KHSRP: variants seen among roughly 807,000 people sequenced by gnomAD.
KHSRP encodes the protein KH-type splicing regulatory protein.
A neutral mutation model predicts 94.9 loss-of-function variants in KHSRP; 13 were observed. That is an observed-to-expected ratio of 0.14 (90% confidence interval 0.09 to 0.22). The LOEUF is 0.22. Ranked by LOEUF, KHSRP falls within the 10% of genes least tolerant of loss-of-function variation. KHSRP has a pLI of 1.00. For missense variants in KHSRP, 710 were observed against 1,010.0 expected, an observed-to-expected ratio of 0.70 and a Z score of 4.03; for synonymous variants, 495 against 401.4, an observed-to-expected ratio of 1.23 and a Z score of -2.79.
intron 5 of KHSRP, 122 bp from the exon 6 acceptor site, chr19:6,420,266 A>T: frequency 8.8e-7 from 1 of 1,138,948 alleles, no homozygotes; most frequent in Non-Finnish European, 1.3e-6. Flanking sequence ...TCCTCTAGAG[A>T]GCTCCTGTCC....
At position 6,424,648 on chromosome 19, in the gene KHSRP, G is replaced by T. The variant is rs75697431; in HGVS notation, c.54C>A (p.Gly18=). 3.0e-6 allele frequency: 3 copies of T among 1,007,978 alleles called. No homozygotes were observed. The highest frequency in any genetic ancestry group is 3.5e-6 in the Non-Finnish European group (3 of 847,798). 62.4% of individuals were successfully genotyped at this position (1,007,978 alleles called of 1,614,324 possible). ...CGGCGCCTCCGGCTCCCCCGCCCCC[G>T]CCGGCGGGCGGCGGCGGCCCGGGCG... ...GPPPGPPPPA[G]GGGGAGGAGG... The change falls in exon 1 of 19, where the codon GGC becomes GGA. Residue 18 remains glycine, a synonymous_variant. Transcript: ENST00000600480.
At chr19:6,417,955 G>A (rs374896219) in intron 10 of KHSRP, 26 bp downstream of exon 10, 402 of 1,609,604 alleles carry the variant, frequency 2.5e-4, no homozygotes, top group Admixed American at 3.8e-4. Context: ...GGGGGAGAGG[G>A]GGGTGAAGGC....
chr19:6,421,115 A>G, intron 4 of KHSRP, 163 bp downstream of exon 4: 2 of 661,536 alleles, frequency 3.0e-6, no homozygotes, highest in Non-Finnish European at 5.3e-6. Flanking sequence ...CGAGGAACGG[A>G]CACAGCTCCT....
rs1261525809 is a variant in KHSRP at position 6,417,093 on chromosome 19, G to A, written c.1082-6C>T. On this transcript the variant is annotated splice_polypyrimidine_tract_variant and splice_region_variant and intron_variant, in intron 11 of 18. Coordinates refer to ENST00000600480, the MANE Select transcript of KHSRP (RefSeq NM_001366299.1). ...CTCGGGCCCTGTCCCGTCATCTGAG[G>A]CCAGCACCGAGAGAGCAGAGACACA... 3 of 1,602,568 alleles carry A rather than the reference G, an allele frequency of 1.9e-6. No individual in the cohort carries two copies. The highest frequency in any genetic ancestry group is 4.5e-5 in the East Asian group (2 of 44,828).
chr19:6,418,419 G>C lies in KHSRP; in HGVS notation c.879+64C>G. ...CTGGCGGAATGCAGACCCCGAGACC[G>C]CTGGCCCTGCCCACCTGCCCGTGCC... On this transcript the variant is annotated intron_variant, in intron 9 of 18. Coordinates refer to ENST00000600480, the MANE Select transcript of KHSRP (RefSeq NM_001366299.1). The surrounding 1 kb of genome is among the most constrained non-coding windows in gnomAD (Gnocchi z 4.3). The C allele has an allele frequency of 1.7e-6, 2 of 1,180,606 alleles. No homozygotes were observed. The highest frequency in any genetic ancestry group is 1.3e-6 in the Non-Finnish European group (1 of 798,484). The allele number at this position is 1,180,606 out of a possible 1,614,324, so 73.1% of individuals were successfully genotyped here. A position where few individuals can be genotyped will look rare whatever the true frequency, so the allele number is the denominator to read the frequency against.
chr19:6,414,549 G>A lies in KHSRP; in HGVS notation c.*475C>T, dbSNP rs2092127309. On this transcript the variant is annotated 3_prime_UTR_variant, in exon 19 of 19. Coordinates refer to ENST00000600480, the MANE Select transcript of KHSRP (RefSeq NM_001366299.1). ...ACTTCACAGACAAGCCCGGGACACA[G>A]GCAAGCGCGAGCGCATGGGAGGCTG... 1.9e-6 allele frequency: 2 copies of A among 1,028,698 alleles called. No individual in the cohort carries two copies. The highest frequency in any genetic ancestry group is 2.3e-6 in the Non-Finnish European group (2 of 858,494). The allele number at this position is 1,028,698 out of a possible 1,614,324, so 63.7% of individuals were successfully genotyped here. A position where few individuals can be genotyped will look rare whatever the true frequency, so the allele number is the denominator to read the frequency against.
rs1475300994 is a variant in KHSRP, at chr19:6,418,642, G to A, written c.780+60C>T. On this transcript the variant is annotated intron_variant, in intron 8 of 18. Transcript: ENST00000600480. The surrounding 1 kb of genome is among the most constrained non-coding windows in gnomAD (Gnocchi z 4.3). ...TCCCAGGACTTCCTGGGCTGCTGTG[G>A]TGGTGGCGGTGGGGTGTGGCACACG... 1 of 1,612,960 alleles carries A rather than the reference G, an allele frequency of 6.2e-7. No individual in the cohort carries two copies. Among genetic ancestry groups the A allele is most frequent in the Non-Finnish European group, 8.5e-7 (1 of 1,179,038 alleles).
chr19:6,413,508 GCCGCGGGAGCTGAGCCAGGGCGGGA>G lies in KHSRP; in HGVS notation c.*1491_*1515del. 1 of 330,204 alleles carries G rather than the reference GCCGCGGGAGCTGAGCCAGGGCGGGA, an allele frequency of 3.0e-6. No homozygotes were observed. Among genetic ancestry groups the G allele is most frequent in the Non-Finnish European group, 6.3e-6 (1 of 159,812 alleles). 20.5% of individuals were successfully genotyped at this position (330,204 alleles called of 1,614,324 possible). On this transcript the variant is annotated 3_prime_UTR_variant, in exon 19 of 19. Transcript: ENST00000600480. ...AGTCCTGGGAGGGGGGACGGGCGGGGCCGCGGGAGCTGAGCCAGGGCGGGAGGGAGAGAAGAGGGGGCTTGGCTGC... is the reference window on the plus strand; with the variant it reads ...AGTCCTGGGAGGGGGGACGGGCGGGGGGGAGAGAAGAGGGGGCTTGGCTGC...
At chr19:6,424,356 C>G (rs1466785173) in intron 1 of KHSRP, 97 bp downstream of exon 1, 1 of 528,162 alleles carries the variant, frequency 1.9e-6, no homozygotes, top group Non-Finnish European at 2.4e-6. Context: ...CCCGGCCCCC[C>G]TCCGCGACCC....
chr19:6,417,087 T>C lies in KHSRP; in HGVS notation c.1082A>G (p.Asp361Gly). The C allele has an allele frequency of 6.2e-7, 1 of 1,607,468 alleles. No homozygotes were observed. ...AATCTTCTCGGGCCCTGTCCCGTCA[T>C]CTGAGGCCAGCACCGAGAGAGCAGA... ...DAGVRIQFKQ[D>G]DGTGPEKIAH... The change falls in exon 12 of 19, where the codon GAT (aspartate) becomes GGT (glycine). Residue 361 changes from aspartate (D) to glycine (G), a missense_variant and splice_region_variant. Asp to Gly is a moderately conservative substitution (Grantham distance 94, BLOSUM62 -1). Coordinates refer to ENST00000600480, the MANE Select transcript of KHSRP (RefSeq NM_001366299.1).
At chr19:6,421,842 G>A (rs999248297) in intron 2 of KHSRP, 154 bp from the exon 3 acceptor site, 44 of 832,712 alleles carry the variant, frequency 5.3e-5, no homozygotes, top group African/African-American at 3.6e-4. Context: ...TGGCCCCTGA[G>A]GGAGGCCAGA....
At chr19:6,423,393 G>C (rs1276475738) in intron 1 of KHSRP, among the ~76,000 whole-genome samples, 1 of 152,146 alleles carries the variant, frequency 6.6e-6, no homozygotes, top group African/African-American at 2.4e-5. Context: ...CAGAGTCTGG[G>C]GTTTAGAAAC....
chr19:6,421,823 A>AG, intron 2 of KHSRP, 135 bp from the exon 3 acceptor site: 1 of 992,318 alleles, frequency 1.0e-6, no homozygotes, highest in African/African-American at 1.6e-5. Flanking sequence ...ACAGGAGCCC[A>AG]GGAGAGACTG....
rs1242827813 is a variant in KHSRP at position 6,424,424 on chromosome 19, C to A, written c.249+29G>T. ...TCCCCCGCCTGCGCGCGCGCGCGAG[C>A]GCGCCCCTCAGGCCCTCGGCCTCCT... On this transcript the variant is annotated intron_variant, in intron 1 of 18. Transcript: ENST00000600480. The A allele has an allele frequency of 8.1e-5, 80 of 986,120 alleles. No individual in the cohort carries two copies. The African/African-American group carries it at 1.4e-3, about 17-fold the overall frequency. The allele number at this position is 986,120 out of a possible 1,614,324, so 61.1% of individuals were successfully genotyped here.
chr19:6,415,508 GCCC>G (rs760905596), intron 17 of KHSRP, 23 bp downstream of exon 17: 3 of 1,539,058 alleles, frequency 1.9e-6, no homozygotes, highest in African/African-American at 2.7e-5. Flanking sequence ...CAGGGCTGGA[GCCC>G]CCCCGCCACC....
At position 6,414,025 on chromosome 19, in the gene KHSRP, T is replaced by C. The variant is rs1451556417; in HGVS notation, c.*999A>G. On this transcript the variant is annotated 3_prime_UTR_variant, in exon 19 of 19. Coordinates refer to ENST00000600480, the MANE Select transcript of KHSRP (RefSeq NM_001366299.1). ...ACTCCCCACGGCAGCCATCGCTCTC[T>C]CGCCAAACAAAACAGAAGCCCCCAA... 2.7e-6 allele frequency: 4 copies of C among 1,495,520 alleles called. No homozygotes were observed. The highest frequency in any genetic ancestry group is 1.8e-6 in the Non-Finnish European group (2 of 1,117,088). 92.6% of individuals were successfully genotyped at this position (1,495,520 alleles called of 1,614,324 possible). A position where few individuals can be genotyped will look rare whatever the true frequency, so the allele number is the denominator to read the frequency against.
chr19:6,418,227 T>C lies in KHSRP; in HGVS notation c.880-148A>G, dbSNP rs1238271057. On this transcript the variant is annotated intron_variant, in intron 9 of 18. Transcript: ENST00000600480. This position sits in a 1 kb window ranked among gnomAD's most constrained non-coding sequence, Gnocchi z 4.3. ...CTACTGAGCTCTCTACCTGCCACTT[T>C]AATGGGGAGGCACTACCAGCAGCCC... 5.6e-6 allele frequency: 4 copies of C among 709,168 alleles called. No individual in the cohort carries two copies. The highest frequency in any genetic ancestry group is 3.6e-5 in the African/African-American group (2 of 56,240). 43.9% of individuals were successfully genotyped at this position (709,168 alleles called of 1,614,324 possible). A position where few individuals can be genotyped will look rare whatever the true frequency, so the allele number is the denominator to read the frequency against.
intron 6 of KHSRP, 100 bp downstream of exon 6, chr19:6,419,973 G>T: frequency 2.2e-6 from 2 of 908,334 alleles, no homozygotes; most frequent in Non-Finnish European, 1.8e-6. Context: ...GCGCCAGCTC[G>T]CTTCCTGTCC....
In KHSRP at chr19:6,415,993, G is replaced by A. The variant is rs2092142856; in HGVS notation, c.1599-97C>T. 3.8e-6 allele frequency: 3 copies of A among 798,542 alleles called. No individual in the cohort carries two copies. The African/African-American group carries it at 5.3e-5, about 14-fold the overall frequency. 49.5% of individuals were successfully genotyped at this position (798,542 alleles called of 1,614,324 possible). On this transcript the variant is annotated intron_variant, in intron 15 of 18. Coordinates refer to ENST00000600480, the MANE Select transcript of KHSRP (RefSeq NM_001366299.1). The stretch of plus-strand genomic sequence containing the variant: ...GATGTTTTTCAGTGGGGAGGCGCCA[G>A]AGACCCAGACCACCAGGCTCAACGG...
Sources: allele counts gnomAD v4.1 joint callset (sites outside exome capture counted in the v4.1 genomes callset), GRCh38; gene constraint gnomAD v4.1.1; non-coding constraint Gnocchi (gnomAD v3.1); transcripts MANE v1.5; gene names NCBI Gene and HGNC (gene_info 2026-07-23, HGNC 2026-07-21).